Variants in MCMDC2 observed in about 807,000 individuals in gnomAD.
MCMDC2 encodes the protein minichromosome maintenance domain containing 2.
MCMDC2 carries 54 observed loss-of-function variants against 75.8 expected under a neutral mutation model. That is an observed-to-expected ratio of 0.71 (90% CI 0.57 to 0.89). MCMDC2 has a LOEUF of 0.89. MCMDC2 is among the 40% of genes least tolerant of loss of function. The pLI is 0.00. For missense variants in MCMDC2, 656 were observed against 780.4 expected (o/e 0.84, Z 1.90); for synonymous variants, 249 against 274.6 (o/e 0.91, Z 0.92).
At chr8:66,895,073 T>G (rs1812283998) in intron 10 of MCMDC2, among the ~76,000 whole-genome samples, 2 of 152,206 alleles carry the variant, frequency 1.3e-5, no homozygotes, top group Non-Finnish European at 2.9e-5. Context: ...CTCAAGTCCC[T>G]TATATAAAAT....
At chr8:66,878,737 A>G in intron 6 of MCMDC2, 41 bp downstream of exon 6, 1 of 1,468,060 alleles carries the variant, frequency 6.8e-7, no homozygotes, top group Non-Finnish European at 9.2e-7. Flanking sequence ...TTTTTAAAAT[A>G]GTGTCTGATA....
At chr8:66,896,989 T>G (rs1218131146) in intron 12 of MCMDC2, 30 bp downstream of exon 12, 1 of 1,562,848 alleles carries the variant, frequency 6.4e-7, no homozygotes, top group Non-Finnish European at 8.6e-7. Context: ...TTACCCAGAA[T>G]GCCTGTGCTA....
chr8:66,922,854 A>T, downstream of MCMDC2: 1 of 195,488 alleles, frequency 5.1e-6, no homozygotes. Flanking sequence ...TACCTTTCAG[A>T]CTCCCAAACC....
intron 13 of MCMDC2, among the ~76,000 whole-genome samples, chr8:66,902,684 T>G (rs1812721769): frequency 2.0e-5 from 2 of 100,918 alleles, no homozygotes; most frequent in East Asian, 2.7e-4. Context: ...CAGAGCAAGA[T>G]TCTGTCTCAA....
intron 14 of MCMDC2, among the ~76,000 whole-genome samples, chr8:66,908,620 G>C (rs1050711459): frequency 7.9e-5 from 12 of 151,962 alleles, no homozygotes; most frequent in African/African-American, 2.9e-4. Flanking sequence ...TTTTTGTTTT[G>C]TTTTGTTTTT....
At chr8:66,914,537 A>C (rs944113851) in intron 14 of MCMDC2, among the ~76,000 whole-genome samples, 3 of 152,238 alleles carry the variant, frequency 2.0e-5, no homozygotes, top group Non-Finnish European at 4.4e-5. Flanking sequence ...TGGCTAAAAC[A>C]TAGTAAGCCG....
downstream of MCMDC2, among the ~76,000 whole-genome samples, chr8:66,924,285 T>C (rs924810710): frequency 6.6e-6 from 1 of 150,928 alleles, no homozygotes; most frequent in African/African-American, 2.5e-5. Flanking sequence ...ATTTCAAATT[T>C]GAAGAAAAAA....
chr8:66,878,996 C>A, intron 7 of MCMDC2, 77 bp downstream of exon 7: 1 of 860,434 alleles, frequency 1.2e-6, no homozygotes, highest in Non-Finnish European at 1.9e-6. Context: ...TGGCTCATGC[C>A]TGTAATCCCA....
chr8:66,889,818 G>C (rs1044264631), intron 9 of MCMDC2, among the ~76,000 whole-genome samples: 1 of 152,026 alleles, frequency 6.6e-6, no homozygotes, highest in Admixed American at 6.6e-5. Flanking sequence ...CACTGCACTA[G>C]AGCCTTGGCG....
intron 1 of MCMDC2, among the ~76,000 whole-genome samples, chr8:66,873,019 C>T (rs1811100636): frequency 6.8e-6 from 1 of 147,654 alleles, no homozygotes; most frequent in Non-Finnish European, 1.5e-5. Context: ...GTCATTATTT[C>T]TGACTTCTCT....
chr8:66,871,572 C>G (rs76665003), intron 1 of MCMDC2: 1 of 152,148 alleles, frequency 6.6e-6, no homozygotes, highest in Non-Finnish European at 1.5e-5. Context: ...TATCAGCTCT[C>G]CCGCTATTCC....
chr8:66,899,843 C>T (rs1026697621), intron 12 of MCMDC2, among the ~76,000 whole-genome samples: 3 of 149,200 alleles, frequency 2.0e-5, no homozygotes, highest in Non-Finnish European at 3.0e-5. Flanking sequence ...AATTTTAGGC[C>T]GGGCCTAGTG....
At chr8:66,897,178 G>A (rs533393835) in intron 12 of MCMDC2, among the ~76,000 whole-genome samples, 9 of 151,980 alleles carry the variant, frequency 5.9e-5, no homozygotes, top group Admixed American at 2.6e-4. Context: ...AGGCCCAGGC[G>A]GGTGGCTCAC....
intron 4 of MCMDC2, 120 bp downstream of exon 4, chr8:66,874,706 A>T: frequency 1.2e-6 from 1 of 853,578 alleles, no homozygotes; most frequent in African/African-American, 1.7e-5. Context: ...TCAAAATTCA[A>T]TAGAATATCT....
At chr8:66,872,126 G>T (rs544704946) in intron 1 of MCMDC2, among the ~76,000 whole-genome samples, 1 of 152,262 alleles carries the variant, frequency 6.6e-6, no homozygotes, top group South Asian at 2.1e-4. Flanking sequence ...TTATGGCCAC[G>T]GAGAAATAAA....
chr8:66,896,449 C>A, intron 11 of MCMDC2, 113 bp downstream of exon 11: 1 of 974,120 alleles, frequency 1.0e-6, no homozygotes, highest in Non-Finnish European at 1.5e-6. Flanking sequence ...TATTGAGTAC[C>A]AGAACTACAT....
intron 12 of MCMDC2, among the ~76,000 whole-genome samples, chr8:66,900,762 C>T (rs910808031): frequency 2.0e-5 from 3 of 152,184 alleles, no homozygotes; most frequent in Non-Finnish European, 4.4e-5. Flanking sequence ...AAGCAGTTAA[C>T]ACAATGTTTC....
At chr8:66,878,734 AAT>A in intron 6 of MCMDC2, 38 bp downstream of exon 6, 1 of 1,480,664 alleles carries the variant, frequency 6.8e-7, no homozygotes, top group Non-Finnish European at 9.1e-7. Context: ...TAATTTTTAA[AAT>A]AGTGTCTGAT....
intron 9 of MCMDC2, among the ~76,000 whole-genome samples, chr8:66,890,519 G>C (rs76523283): frequency 0.033 from 5,017 of 151,850 alleles, 292 homozygotes; most frequent in African/African-American, 0.11. Flanking sequence ...TCCAAGTCTC[G>C]TATACATTTT....
Sources: allele counts gnomAD v4.1 joint callset (sites outside exome capture counted in the v4.1 genomes callset), GRCh38; gene constraint gnomAD v4.1.1; transcripts MANE v1.5; gene names NCBI Gene and HGNC (gene_info 2026-07-23, HGNC 2026-07-21).